Variants in GNA12 observed in about 807,000 individuals in gnomAD.
GNA12 encodes G protein subunit alpha 12.
GNA12 carries 9 observed loss-of-function variants against 26.0 expected under a neutral mutation model. The observed-to-expected ratio is 0.35, with a 90% CI of 0.21 to 0.60. The LOEUF (loss-of-function observed/expected upper bound fraction) is 0.60, where lower values mean the gene tolerates loss of function less well. Ranked by LOEUF, GNA12 falls within the 20% of genes least tolerant of loss-of-function variation. GNA12 has a pLI of 0.78. For synonymous variants in GNA12, 264 were observed against 219.6 expected, an observed-to-expected ratio of 1.20 and a Z score of -1.79; for missense variants, 405 against 525.8, an observed-to-expected ratio of 0.77 and a Z score of 2.25.
In GNA12 at chr7:2,736,269, G is replaced by A. The variant is rs59828898; in HGVS notation, c.526-2768C>T. 1.6e-3 allele frequency among the ~76,000 whole-genome samples: 236 copies of A among 152,242 alleles called. 3 individuals are homozygous for A. Among genetic ancestry groups the A allele is most frequent in the African/African-American group, 5.5e-3 (228 of 41,508 alleles). On this transcript the variant is annotated intron_variant, in intron 2 of 3. Transcript: ENST00000275364. ...CCAGAGTCCTCTCAACGGCTGCTGC[G>A]GTCACACGATCTAGAAACACGAGTG...
At chr7:2,780,071 T>G (rs1792188715) in intron 2 of GNA12, among the ~76,000 whole-genome samples, 1 of 133,354 alleles carries the variant, frequency 7.5e-6, no homozygotes, top group Non-Finnish European at 1.6e-5. Flanking sequence ...TATATATATA[T>G]ATATATATAT....
intron 2 of GNA12, among the ~76,000 whole-genome samples, chr7:2,782,152 C>G (rs752871455): frequency 2.7e-4 from 41 of 152,142 alleles, no homozygotes; most frequent in Non-Finnish European, 4.9e-4. Flanking sequence ...CAAAAATTAA[C>G]TCAAAATTTA....
At chr7:2,755,080 G>T (rs1056766660) in intron 2 of GNA12, among the ~76,000 whole-genome samples, 1 of 152,122 alleles carries the variant, frequency 6.6e-6, no homozygotes, top group Non-Finnish European at 1.5e-5. Context: ...GCAATCAGTC[G>T]GGCGTGCTGG....
chr7:2,789,220 C>CACTGAA (rs1225907560), intron 2 of GNA12, among the ~76,000 whole-genome samples: 4 of 137,474 alleles, frequency 2.9e-5, no homozygotes, highest in Non-Finnish European at 6.2e-5. Flanking sequence ...ACTGCAAGCT[C>CACTGAA]CGCCTCCCGG....
chr7:2,792,991 A>T (rs892190489), intron 2 of GNA12, among the ~76,000 whole-genome samples: 1 of 152,142 alleles, frequency 6.6e-6, no homozygotes, highest in Non-Finnish European at 1.5e-5. Context: ...GGCTTGCATC[A>T]CCAGCCACTG....
At chr7:2,815,414 T>C (rs975201369) in intron 1 of GNA12, among the ~76,000 whole-genome samples, 2 of 152,038 alleles carry the variant, frequency 1.3e-5, no homozygotes, top group African/African-American at 4.8e-5. Flanking sequence ...AAAGAAAACA[T>C]GAGGGAGGCT....
intron 2 of GNA12, among the ~76,000 whole-genome samples, chr7:2,773,978 G>C (rs986239707): frequency 2.6e-5 from 4 of 152,184 alleles, no homozygotes; most frequent in African/African-American, 7.2e-5. Flanking sequence ...CGCACAAAAC[G>C]AAATGGCGAC....
rs148314856 is a variant in GNA12, at chr7:2,776,778, G to A, written c.525+18150C>T. Among the ~76,000 whole-genome samples, 13 of 152,240 alleles carry A rather than the reference G, an allele frequency of 8.5e-5. No homozygotes were observed. In the East Asian group the frequency reaches 1.9e-3, roughly 23 times the overall value. On this transcript the variant is annotated intron_variant, in intron 2 of 3. Coordinates refer to ENST00000275364, the MANE Select transcript of GNA12 (RefSeq NM_007353.3). ...AGAGCTGGTTCCTAAGCAAGAAACT[G>A]TACTGTTTTTAAACCTTACGTCGGG...
intron 1 of GNA12, among the ~76,000 whole-genome samples, chr7:2,800,335 CAG>C (rs1482586781): frequency 1.3e-5 from 2 of 152,178 alleles, no homozygotes; most frequent in Non-Finnish European, 2.9e-5. Flanking sequence ...ATGGGAAAGA[CAG>C]GGGGAGAAGT....
chr7:2,842,801 A>C (rs1181535211), intron 1 of GNA12, among the ~76,000 whole-genome samples: 1 of 152,188 alleles, frequency 6.6e-6, no homozygotes, highest in Non-Finnish European at 1.5e-5. Flanking sequence ...GTGTTTTTAC[A>C]TGGAGGCCTC....
At chr7:2,738,864 G>A (rs919188056) in intron 2 of GNA12, among the ~76,000 whole-genome samples, 11 of 152,208 alleles carry the variant, frequency 7.2e-5, no homozygotes, top group African/African-American at 2.7e-4. Flanking sequence ...GCCAGAATGT[G>A]AAAGTACAGA....
chr7:2,775,977 T>C (rs1364232765), intron 2 of GNA12, among the ~76,000 whole-genome samples: 1 of 152,348 alleles, frequency 6.6e-6, no homozygotes, highest in East Asian at 1.9e-4. Context: ...CCGGTGGCTA[T>C]GGGGCAGCTC....
At chr7:2,788,821 C>CT (rs1016636424) in intron 2 of GNA12, among the ~76,000 whole-genome samples, 12 of 151,518 alleles carry the variant, frequency 7.9e-5, no homozygotes, top group African/African-American at 2.4e-4. Flanking sequence ...CTTACCTCCC[C>CT]TTTTTTTTTC....
intron 1 of GNA12, among the ~76,000 whole-genome samples, chr7:2,832,529 A>AT (rs1372723278): frequency 1.3e-5 from 2 of 152,122 alleles, no homozygotes; most frequent in Non-Finnish European, 2.9e-5. Context: ...ATTAGCACAG[A>AT]TTCTTCGGGT....
chr7:2,776,683 G>C (rs773368656), intron 2 of GNA12, among the ~76,000 whole-genome samples: 1 of 152,200 alleles, frequency 6.6e-6, no homozygotes, highest in Non-Finnish European at 1.5e-5. Flanking sequence ...CATCACCTCA[G>C]CTTGGCCACC....
intron 2 of GNA12, among the ~76,000 whole-genome samples, chr7:2,742,620 G>C (rs1435390426): frequency 1.3e-5 from 2 of 152,132 alleles, no homozygotes; most frequent in African/African-American, 2.4e-5. Context: ...TTCCATATTA[G>C]TTCTAAAGTC....
chr7:2,738,281 T>C (rs1790312403), intron 2 of GNA12, among the ~76,000 whole-genome samples: 1 of 134,178 alleles, frequency 7.5e-6, no homozygotes, highest in Non-Finnish European at 1.6e-5. Context: ...TGAGGCTCCA[T>C]CTAAAAAAAA....
intron 1 of GNA12, among the ~76,000 whole-genome samples, chr7:2,821,077 A>G (rs957238614): frequency 1.3e-5 from 2 of 152,228 alleles, no homozygotes; most frequent in Admixed American, 1.3e-4. Flanking sequence ...AAAACTCCAC[A>G]GGAATCACTC....
chr7:2,783,427 C>T (rs1390877882), intron 2 of GNA12, among the ~76,000 whole-genome samples: 1 of 152,104 alleles, frequency 6.6e-6, no homozygotes, highest in African/African-American at 2.4e-5. Flanking sequence ...CTGCTGTCCC[C>T]TCTTTGTGCG....
Sources: allele counts gnomAD v4.1 joint callset (sites outside exome capture counted in the v4.1 genomes callset), GRCh38; gene constraint gnomAD v4.1.1; transcripts MANE v1.5; gene names NCBI Gene and HGNC (gene_info 2026-07-23, HGNC 2026-07-21).